The following EPAS1 variants were observed in gnomAD, a reference collection of about 807,000 sequenced individuals.
EPAS1 encodes the protein endothelial PAS domain protein 1.
Under a neutral mutation model 87.9 loss-of-function variants are expected in EPAS1, and 23 were observed. The ratio of observed to expected loss-of-function variants is 0.26; its 90% CI spans 0.19 to 0.37. The LOEUF (loss-of-function observed/expected upper bound fraction) is 0.37, where lower values mean the gene tolerates loss of function less well. EPAS1 is among the 10% of genes least tolerant of loss of function. The probability of loss-of-function intolerance (pLI) is 1.00; values close to 1 mark genes in which losing one functional copy is unlikely to be tolerated. For synonymous variants in EPAS1, 508 were observed against 444.3 expected (o/e 1.14, Z -1.80); for missense variants, 1,138 against 1,120.7 (o/e 1.02, Z -0.22).
At chr2:46,379,711 C>G (rs945463542) in intron 11 of EPAS1, 1 of 182,086 alleles carries the variant, frequency 5.5e-6, no homozygotes, top group African/African-American at 2.4e-5. Context: ...GAACCAAAGT[C>G]TCTGTCCCTG....
At chr2:46,340,251 A>C (rs1405501595) in intron 1 of EPAS1, among the ~76,000 whole-genome samples, 1 of 152,070 alleles carries the variant, frequency 6.6e-6, no homozygotes, top group Non-Finnish European at 1.5e-5. Flanking sequence ...ATCTCCAGTC[A>C]ACCCAAGCAG....
At chr2:46,298,662 T>A (rs1381236669) in intron 1 of EPAS1, among the ~76,000 whole-genome samples, 1 of 152,184 alleles carries the variant, frequency 6.6e-6, no homozygotes, top group East Asian at 1.9e-4. Flanking sequence ...GGTGTCTGTC[T>A]CCGAAGAGGA....
intron 1 of EPAS1, among the ~76,000 whole-genome samples, chr2:46,307,341 T>C (rs1020994890): frequency 4.6e-5 from 7 of 152,110 alleles, no homozygotes; most frequent in Middle Eastern, 3.2e-3. Context: ...GAACCTTTAT[T>C]TGTGTGCTTG....
chr2:46,325,357 A>G (rs1272664894), intron 1 of EPAS1, among the ~76,000 whole-genome samples: 6 of 152,352 alleles, frequency 3.9e-5, no homozygotes, highest in South Asian at 2.1e-4. Flanking sequence ...AAAAGAGCAT[A>G]AAGAAAAATT....
chr2:46,380,439 G>T lies in EPAS1; in HGVS notation c.1767G>T (p.Gln589His). ...PHSPFLLDKF[Q>H]QQLESKKTEP... ...GTCCCTTCCTCCTGGACAAGTTTCAGCAGCAGCTGGAGAGCAAGAAGACAG... is the reference window on the plus strand; with the variant it reads ...GTCCCTTCCTCCTGGACAAGTTTCATCAGCAGCTGGAGAGCAAGAAGACAG... Residue 589 changes from glutamine to histidine, a missense_variant, in exon 12 of 16, where the codon CAG becomes CAT. Coordinates refer to ENST00000263734, the MANE Select transcript of EPAS1 (RefSeq NM_001430.5). This position sits in a 1 kb window ranked among gnomAD's most constrained non-coding sequence, Gnocchi z 4.4. 6.2e-7 allele frequency: 1 copy of T among 1,614,180 alleles called. No homozygotes were observed. The highest frequency in any genetic ancestry group is 8.5e-7 in the Non-Finnish European group (1 of 1,180,042).
chr2:46,340,690 A>G (rs528523164), intron 1 of EPAS1, among the ~76,000 whole-genome samples: 175 of 152,030 alleles, frequency 1.2e-3, no homozygotes, highest in Non-Finnish European at 2.3e-3. Context: ...CTCCTCCTGA[A>G]TTTGCTAATT....
chr2:46,350,912 C>G (rs1290011646), intron 2 of EPAS1, among the ~76,000 whole-genome samples: 2 of 152,182 alleles, frequency 1.3e-5, no homozygotes, highest in Admixed American at 6.5e-5. Context: ...CTCTAGACTA[C>G]TAAGGGAAGG....
chr2:46,377,942 C>T lies in EPAS1; in HGVS notation c.1298C>T (p.Pro433Leu). The T allele has an allele frequency of 6.4e-7, 1 of 1,557,696 alleles. No individual in the cohort carries two copies. The highest frequency in any genetic ancestry group is 8.7e-7 in the Non-Finnish European group (1 of 1,150,278). Residue 433 changes from proline (P) to leucine (L), a missense_variant, in exon 10 of 16, where the codon CCC becomes CTC. Pro to Leu is a moderately conservative substitution (Grantham distance 98). Around this residue, in one of 4 missense-constraint regions of EPAS1, gnomAD observed 284 missense variants for 258.4 expected, o/e 1.10. Coordinates refer to ENST00000263734, the MANE Select transcript of EPAS1 (RefSeq NM_001430.5). ...ESSAYGKAIL[P>L]PSQPWATELR... Reference sequence around the variant, plus strand: ...TCAGCCTATGGCAAGGCCATCCTGCCCCCGAGCCAGCCATGGGCCACGGAG... The same window carrying T: ...TCAGCCTATGGCAAGGCCATCCTGCTCCCGAGCCAGCCATGGGCCACGGAG...
chr2:46,342,603 C>T (rs568011440), intron 1 of EPAS1, among the ~76,000 whole-genome samples: 7 of 152,288 alleles, frequency 4.6e-5, no homozygotes, highest in Non-Finnish European at 1.5e-5. Flanking sequence ...CAGCCAACCC[C>T]TCTGTGTTAC....
intron 6 of EPAS1, among the ~76,000 whole-genome samples, chr2:46,368,613 A>G (rs1457567494): frequency 6.6e-6 from 1 of 152,216 alleles, no homozygotes; most frequent in Non-Finnish European, 1.5e-5. Flanking sequence ...GGTTTAGAGC[A>G]GAGACAGGAA....
intron 1 of EPAS1, among the ~76,000 whole-genome samples, chr2:46,315,355 G>C (rs1030027289): frequency 2.6e-5 from 4 of 152,196 alleles, no homozygotes; most frequent in Non-Finnish European, 5.9e-5. Flanking sequence ...TGCATACTGT[G>C]GGACGGAGGT....
intron 1 of EPAS1, among the ~76,000 whole-genome samples, chr2:46,337,979 C>T (rs1277807596): frequency 6.6e-6 from 1 of 152,208 alleles, no homozygotes; most frequent in Non-Finnish European, 1.5e-5. Flanking sequence ...CACTTTGCTG[C>T]TTCCCAGACC....
intron 14 of EPAS1, 95 bp downstream of exon 14, chr2:46,382,184 G>T: frequency 8.2e-7 from 1 of 1,215,858 alleles, no homozygotes; most frequent in South Asian, 1.3e-5. Flanking sequence ...ACCACAGGCC[G>T]TACCTGCCTC....
intron 6 of EPAS1, among the ~76,000 whole-genome samples, chr2:46,362,681 C>G (rs1418945261): frequency 6.6e-6 from 1 of 152,212 alleles, no homozygotes; most frequent in African/African-American, 2.4e-5. Flanking sequence ...GGGTTTCTCT[C>G]CTCTGATTCC....
chr2:46,350,494 G>T (rs568684502), intron 2 of EPAS1, among the ~76,000 whole-genome samples: 2 of 152,306 alleles, frequency 1.3e-5, no homozygotes, highest in East Asian at 3.9e-4. Context: ...CTGGGCTGCC[G>T]ATTGAGATTC....
Position 46,360,569 on chromosome 2 carries a change from C to T in EPAS1, c.455-69C>T. 1 of 1,347,840 alleles carries T rather than the reference C, an allele frequency of 7.4e-7. No homozygotes were observed. The highest frequency in any genetic ancestry group is 1.2e-5 in the South Asian group (1 of 85,282). The allele number at this position is 1,347,840 out of a possible 1,614,324, so 83.5% of individuals were successfully genotyped here. On this transcript the variant is annotated intron_variant, in intron 4 of 15. Coordinates refer to ENST00000263734, the MANE Select transcript of EPAS1 (RefSeq NM_001430.5). The surrounding 1 kb of genome is among the most constrained non-coding windows in gnomAD (Gnocchi z 4.5). ...AATAGGCTGCCAAGAAAAACTGCAG[C>T]TGGGCCCCTCTCATGAATATCCATA... is the stretch of plus-strand genomic sequence containing the variant.
chr2:46,380,834 T>G lies in EPAS1; in HGVS notation c.2045+117T>G. On this transcript the variant is annotated intron_variant, in intron 12 of 15. Transcript: ENST00000263734. The surrounding 1 kb of genome is among the most constrained non-coding windows in gnomAD (Gnocchi z 4.4). The stretch of plus-strand genomic sequence containing the variant: ...TCTCCCCAGCCATCTGATACCCCAT[T>G]TAGCCCTTCTCTGAGCTCAGACTTT... 6.5e-7 allele frequency: 1 copy of G among 1,544,756 alleles called. No individual in the cohort carries two copies. Among genetic ancestry groups the G allele is most frequent in the South Asian group, 1.1e-5 (1 of 88,968 alleles).
chr2:46,338,926 G>T (rs1683852065), intron 1 of EPAS1, among the ~76,000 whole-genome samples: 1 of 151,758 alleles, frequency 6.6e-6, no homozygotes, highest in African/African-American at 2.4e-5. Flanking sequence ...CTTTCATGGG[G>T]TGGGGGTGGG....
chr2:46,308,496 A>T (rs60746286), intron 1 of EPAS1, among the ~76,000 whole-genome samples: 1,548 of 141,176 alleles, frequency 0.011, 18 homozygotes, highest in African/African-American at 0.031. Context: ...TTAGTTTTTT[A>T]AAAAAAATAA....
Sources: allele counts gnomAD v4.1 joint callset (sites outside exome capture counted in the v4.1 genomes callset), GRCh38; gene constraint gnomAD v4.1.1; regional missense constraint gnomAD v4.1.1; non-coding constraint Gnocchi (gnomAD v3.1); transcripts MANE v1.5; gene names NCBI Gene and HGNC (gene_info 2026-07-23, HGNC 2026-07-21).